RARB: variants seen among roughly 807,000 people sequenced by gnomAD.
The protein encoded by RARB is retinoic acid receptor beta.
In RARB, 17 loss-of-function variants were observed where a neutral mutation model predicts 51.9. The observed-to-expected ratio is 0.33, with a 90% CI of 0.22 to 0.49. The LOEUF is 0.49. Ranked by LOEUF, RARB falls within the 20% of genes least tolerant of loss-of-function variation. The pLI is 0.99. For synonymous variants in RARB, 215 were observed against 195.4 expected (o/e 1.10, Z -0.84); for missense variants, 369 against 550.8 (o/e 0.67, Z 3.30).
At chr3:25,387,271 G>A (rs148447787) in intron 5 of RARB, among the ~76,000 whole-genome samples, 187 of 152,252 alleles carry the variant, frequency 1.2e-3, no homozygotes, top group African/African-American at 4.3e-3. Flanking sequence ...CACTGGCTTT[G>A]TTTGGGAGAA....
At chr3:25,246,149 G>T (rs144653702) in intron 5 of RARB, among the ~76,000 whole-genome samples, 12,686 of 151,946 alleles carry the variant, frequency 0.083, 701 homozygotes, top group Non-Finnish European at 0.13. Flanking sequence ...AAGTTCTTGT[G>T]CTGTGTTTTT....
At chr3:25,100,860 G>A (rs1036124253) in intron 3 of RARB, among the ~76,000 whole-genome samples, 4 of 152,152 alleles carry the variant, frequency 2.6e-5, no homozygotes, top group Non-Finnish European at 4.4e-5. Context: ...GGGAAGTAGA[G>A]GAACTTGGAT....
chr3:25,393,520 C>CT (rs954082538), intron 5 of RARB, among the ~76,000 whole-genome samples: 8 of 151,848 alleles, frequency 5.3e-5, no homozygotes, highest in Non-Finnish European at 7.4e-5. Context: ...TGTTCCTGAA[C>CT]TTTTTTTTGT....
rs550955308 is a variant in RARB at position 25,289,298 on chromosome 3, G to A, written c.178+114723G>A. Among the ~76,000 whole-genome samples the A allele has an allele frequency of 3.9e-5, 6 of 152,324 alleles. No individual in the cohort carries two copies. The East Asian group carries it at 1.2e-3, about 29-fold the overall frequency. On this transcript the variant is annotated intron_variant, in intron 5 of 11. Transcript: ENST00000383772. Reference sequence around the variant, plus strand: ...ATGAGATCTGTGTGTAAAGCACTGAGCACAATGGTGGACACTTGGCAAATG... The same window carrying A: ...ATGAGATCTGTGTGTAAAGCACTGAACACAATGGTGGACACTTGGCAAATG...
chr3:25,519,100 C>G (rs62235692), intron 3 of RARB, among the ~76,000 whole-genome samples: 28,028 of 152,064 alleles, frequency 0.18, 4,861 homozygotes, highest in African/African-American at 0.46. Context: ...TCCCATGTTG[C>G]TGCATATATT....
At chr3:24,927,834 T>A (rs1359002481) in intron 2 of RARB, among the ~76,000 whole-genome samples, 1 of 152,076 alleles carries the variant, frequency 6.6e-6, no homozygotes, top group Non-Finnish European at 1.5e-5. Flanking sequence ...AAATTTTTCA[T>A]GTTTTCAGTA....
intron 5 of RARB, among the ~76,000 whole-genome samples, chr3:25,405,682 C>T (rs903234884): frequency 2.0e-5 from 3 of 152,218 alleles, no homozygotes; most frequent in African/African-American, 7.2e-5. Context: ...TTCTGTTGTT[C>T]AGTCATAGTA....
chr3:24,987,018 C>G (rs933283807), intron 2 of RARB, among the ~76,000 whole-genome samples: 1 of 152,092 alleles, frequency 6.6e-6, no homozygotes, highest in Non-Finnish European at 1.5e-5. Flanking sequence ...TCAAAAAATA[C>G]GGGTTTGAAA....
chr3:24,866,706 G>A (rs1160658183), intron 2 of RARB, among the ~76,000 whole-genome samples: 1 of 152,112 alleles, frequency 6.6e-6, no homozygotes, highest in African/African-American at 2.4e-5. Context: ...TTTTCAGTTT[G>A]TAACTGCCCA....
In RARB at chr3:25,358,909, A is replaced by G. The variant is rs142743162; in HGVS notation, c.179-102284A>G. ...TATTTTATTGAGGATTTTCGCATTGATGTTCATCAGGGATATTGGCCTGAA... is the reference window on the plus strand; with the variant it reads ...TATTTTATTGAGGATTTTCGCATTGGTGTTCATCAGGGATATTGGCCTGAA... On this transcript the variant is annotated intron_variant, in intron 5 of 11. Coordinates refer to the RARB transcript ENST00000383772. 6.0e-4 allele frequency among the ~76,000 whole-genome samples: 91 copies of G among 151,274 alleles called. 2 individuals carry two copies. The East Asian group carries it at 0.017, about 29-fold the overall frequency.
intron 2 of RARB, among the ~76,000 whole-genome samples, chr3:25,016,702 C>A (rs1697516411): frequency 6.6e-6 from 1 of 152,090 alleles, no homozygotes. Flanking sequence ...GAAATTCAAT[C>A]ATGGTCAATA....
At chr3:24,839,879 G>A (rs761597652) in intron 1 of RARB, among the ~76,000 whole-genome samples, 1 of 151,998 alleles carries the variant, frequency 6.6e-6, no homozygotes, top group Non-Finnish European at 1.5e-5. Flanking sequence ...TGCATGAAGA[G>A]GCTCGAAAAA....
chr3:25,174,482 T>G, exon 5 of RARB: 1 of 1,352,148 alleles, frequency 7.4e-7, no homozygotes, highest in Non-Finnish European at 9.8e-7. Context: ...CCCGTTACTC[T>G]TTCCACCTGT....
intron 3 of RARB, among the ~76,000 whole-genome samples, chr3:25,544,529 T>C (rs1452168827): frequency 6.6e-6 from 1 of 152,220 alleles, no homozygotes; most frequent in Non-Finnish European, 1.5e-5. Context: ...TCTCATGCCC[T>C]GTGTTGCTTG....
intron 2 of RARB, among the ~76,000 whole-genome samples, chr3:25,039,263 CT>C (rs1251082459): frequency 2.0e-5 from 3 of 152,146 alleles, no homozygotes; most frequent in African/African-American, 7.2e-5. Flanking sequence ...TTGAGTCCTG[CT>C]GTAGTAGCAG....
chr3:25,111,753 A>C (rs1018067519), intron 3 of RARB, among the ~76,000 whole-genome samples: 4 of 151,704 alleles, frequency 2.6e-5, no homozygotes, highest in Admixed American at 6.6e-5. Context: ...TAATTTTTGT[A>C]TTTTTAGTAG....
intron 1 of RARB, among the ~76,000 whole-genome samples, chr3:25,454,008 A>G (rs1034577987): frequency 6.6e-6 from 1 of 152,198 alleles, no homozygotes; most frequent in African/African-American, 2.4e-5. Context: ...TGCAAAACCC[A>G]TGTGTGTGGA....
intron 5 of RARB, among the ~76,000 whole-genome samples, chr3:25,401,201 G>T (rs1413351347): frequency 1.3e-5 from 2 of 152,094 alleles, no homozygotes; most frequent in African/African-American, 4.8e-5. Flanking sequence ...ACACCATAAG[G>T]GTAGGTGGAC....
intron 4 of RARB, among the ~76,000 whole-genome samples, chr3:25,154,357 C>G (rs751567649): frequency 2.6e-5 from 4 of 152,198 alleles, no homozygotes; most frequent in Non-Finnish European, 5.9e-5. Context: ...CTGGAGTCAG[C>G]CTTCATTGTT....
Sources: allele counts gnomAD v4.1 joint callset (sites outside exome capture counted in the v4.1 genomes callset), GRCh38; gene constraint gnomAD v4.1.1; transcripts MANE v1.5; gene names NCBI Gene and HGNC (gene_info 2026-07-23, HGNC 2026-07-21).